The following TMEM38A variants were observed in gnomAD, a reference collection of about 807,000 sequenced individuals.
TMEM38A encodes the protein trimeric intracellular cation channel type A.
TMEM38A carries 17 observed loss-of-function variants against 28.6 expected under a neutral mutation model. The observed-to-expected ratio is 0.60, with a 90% CI of 0.41 to 0.89. TMEM38A has a LOEUF of 0.89. Among genes scored for constraint, TMEM38A ranks in the 40% least tolerant of loss-of-function variants. The probability of loss-of-function intolerance (pLI) is 0.00; values close to 1 mark genes in which losing one functional copy is unlikely to be tolerated. For missense variants in TMEM38A, 328 were observed against 393.1 expected, an observed-to-expected ratio of 0.83 and a Z score of 1.40; for synonymous variants, 169 against 166.1, an observed-to-expected ratio of 1.02 and a Z score of -0.14.
At chr19:16,669,964 T>C (rs748498731) in intron 1 of TMEM38A, among the ~76,000 whole-genome samples, 3 of 151,756 alleles carry the variant, frequency 2.0e-5, no homozygotes, top group Non-Finnish European at 4.4e-5. Context: ...TTATTTATTT[T>C]TATTTTATTA....
At chr19:16,682,084 G>A (rs916282860) in intron 3 of TMEM38A, among the ~76,000 whole-genome samples, 11 of 152,088 alleles carry the variant, frequency 7.2e-5, no homozygotes, top group African/African-American at 1.7e-4. Flanking sequence ...GAGAGACTGC[G>A]GGTGGGGGCT....
intron 1 of TMEM38A, among the ~76,000 whole-genome samples, chr19:16,664,123 A>G (rs1442729473): frequency 2.0e-5 from 3 of 152,118 alleles, no homozygotes; most frequent in African/African-American, 7.2e-5. Context: ...CTTAGAAAAG[A>G]AAGGTGTTGG....
Position 16,686,201 on chromosome 19 carries a change from G to C in TMEM38A, c.555-87G>C, listed in dbSNP as rs894187647. 2.3e-5 allele frequency: 20 copies of C among 886,860 alleles called. No homozygotes were observed. The African/African-American group carries it at 3.0e-4, about 13-fold the overall frequency. 54.9% of individuals were successfully genotyped at this position (886,860 alleles called of 1,614,324 possible). ...AAGAGAGAAGCTGGGATGGGAGCTG[G>C]TGCCAGGGCAGGGGGGTGTCTGGGC... On this transcript the variant is annotated intron_variant, in intron 4 of 5. Coordinates refer to ENST00000187762, the MANE Select transcript of TMEM38A (RefSeq NM_024074.4).
Position 16,682,454 on chromosome 19 carries a change from A to G in TMEM38A, c.500A>G (p.Gln167Arg). 1 of 1,613,966 alleles carries G rather than the reference A, an allele frequency of 6.2e-7. No individual in the cohort carries two copies. The highest frequency in any genetic ancestry group is 1.1e-5 in the South Asian group (1 of 91,074). Reference protein sequence around the residue: ...SGVALMSNFEQLLRGVWKPET... With the variant: ...SGVALMSNFERLLRGVWKPET... The stretch of plus-strand genomic sequence containing the variant: ...GTCGCCCTCATGTCCAACTTTGAGC[A>G]GCTGCTCCGAGGGGTCTGGAAGCCA... Residue 167 changes from glutamine to arginine, a missense_variant, in exon 4 of 6, where the codon CAG becomes CGG. Gln to Arg is a conservative substitution (Grantham distance 43). Coordinates refer to ENST00000187762, the MANE Select transcript of TMEM38A (RefSeq NM_024074.4).
At chr19:16,669,651 T>C (rs1433123499) in intron 1 of TMEM38A, among the ~76,000 whole-genome samples, 1 of 152,164 alleles carries the variant, frequency 6.6e-6, no homozygotes, top group Non-Finnish European at 1.5e-5. Flanking sequence ...GAGGCTGCTA[T>C]CTCCATTTAA....
intron 1 of TMEM38A, among the ~76,000 whole-genome samples, chr19:16,676,851 C>T (rs942763412): frequency 3.3e-5 from 5 of 149,414 alleles, no homozygotes; most frequent in African/African-American, 1.2e-4. Context: ...ACCTCTGCCT[C>T]CTAGGTTCCA....
chr19:16,673,159 G>C (rs561164401), intron 1 of TMEM38A, among the ~76,000 whole-genome samples: 2 of 152,234 alleles, frequency 1.3e-5, no homozygotes, highest in South Asian at 4.1e-4. Context: ...TTGGCTCACT[G>C]CAACCTCCAC....
rs11879165 is a variant in TMEM38A, at chr19:16,684,805, G to A, written c.555-1483G>A. Among the ~76,000 whole-genome samples, 1,428 of 149,880 alleles carry A rather than the reference G, an allele frequency of 9.5e-3. 16 individuals are homozygous for A. The highest frequency in any genetic ancestry group is 0.031 in the Middle Eastern group (9 of 288). On this transcript the variant is annotated intron_variant, in intron 4 of 5. Transcript: ENST00000187762. Reference sequence around the variant, plus strand: ...TGTAATCCCAGCACTGTGGGAGGCCGAGATAGGAGGATTGCTCAAGGCCAG... The same window carrying A: ...TGTAATCCCAGCACTGTGGGAGGCCAAGATAGGAGGATTGCTCAAGGCCAG...
intron 1 of TMEM38A, among the ~76,000 whole-genome samples, chr19:16,667,994 A>G (rs1422024485): frequency 6.6e-6 from 1 of 152,124 alleles, no homozygotes; most frequent in Non-Finnish European, 1.5e-5. Flanking sequence ...GGATCACCTG[A>G]AGTCAGAAGT....
At chr19:16,678,680 G>A (rs902090026) in intron 1 of TMEM38A, among the ~76,000 whole-genome samples, 4 of 141,402 alleles carry the variant, frequency 2.8e-5, no homozygotes, top group African/African-American at 1.0e-4. Context: ...TGGGAGGAGT[G>A]TTTGAGCCCA....
At chr19:16,685,680 C>A (rs1005299987) in intron 4 of TMEM38A, among the ~76,000 whole-genome samples, 23 of 152,192 alleles carry the variant, frequency 1.5e-4, no homozygotes, top group African/African-American at 5.5e-4. Context: ...AGACCCCCAC[C>A]ATAAATTACG....
chr19:16,680,638 G>T, intron 3 of TMEM38A, 57 bp downstream of exon 3: 1 of 1,566,516 alleles, frequency 6.4e-7, no homozygotes, highest in African/African-American at 1.3e-5. Context: ...TGGTTCAGTG[G>T]TACTACCAGG....
intron 4 of TMEM38A, among the ~76,000 whole-genome samples, chr19:16,684,223 C>T (rs2122598487): frequency 6.6e-6 from 1 of 152,020 alleles, no homozygotes; most frequent in Non-Finnish European, 1.5e-5. Context: ...CCTGTAATCC[C>T]AGCTATTCAG....
chr19:16,661,296 C>G lies in TMEM38A; in HGVS notation c.79C>G (p.Leu27Val). 9 of 1,599,892 alleles carry G rather than the reference C, an allele frequency of 5.6e-6. No individual in the cohort carries two copies. Among genetic ancestry groups the G allele is most frequent in the Non-Finnish European group, 7.7e-6 (9 of 1,173,758 alleles). Residue 27 changes from leucine to valine, a missense_variant, in exon 1 of 6, where the codon CTC becomes GTC. Physicochemically the swap from Leu to Val is conservative, Grantham distance 32 (BLOSUM62 1). Coordinates refer to ENST00000187762, the MANE Select transcript of TMEM38A (RefSeq NM_024074.4). This position sits in a 1 kb window ranked among gnomAD's most constrained non-coding sequence, Gnocchi z 6.5. ...SRVPLFPVFD[L>V]SYFIVSILYL... ...GGTGCCGCTCTTCCCCGTCTTCGAC[C>G]TCAGTTACTTCATCGTCTCCATCCT...
At chr19:16,667,483 G>A (rs1397025748) in intron 1 of TMEM38A, among the ~76,000 whole-genome samples, 1 of 152,132 alleles carries the variant, frequency 6.6e-6, no homozygotes, top group African/African-American at 2.4e-5. Context: ...GTTGCCTTGA[G>A]CCTTGACCCA....
At chr19:16,678,530 C>T (rs1452105932) in intron 1 of TMEM38A, among the ~76,000 whole-genome samples, 7 of 151,330 alleles carry the variant, frequency 4.6e-5, no homozygotes, top group Non-Finnish European at 7.4e-5. Context: ...GAAGCTGAGC[C>T]AGGTGGATGG....
chr19:16,670,059 T>TCC (rs1229798962), intron 1 of TMEM38A, among the ~76,000 whole-genome samples: 3 of 151,782 alleles, frequency 2.0e-5, no homozygotes, highest in East Asian at 1.9e-4. Context: ...AACCTCCGCC[T>TCC]CATGGGTTCA....
At chr19:16,673,913 T>A (rs1350934935) in intron 1 of TMEM38A, among the ~76,000 whole-genome samples, 9 of 147,316 alleles carry the variant, frequency 6.1e-5, no homozygotes, top group Admixed American at 4.8e-4. Flanking sequence ...CACAGTGAGA[T>A]CCTATCTTTA....
intron 1 of TMEM38A, among the ~76,000 whole-genome samples, chr19:16,665,359 T>C (rs2086698491): frequency 6.6e-6 from 1 of 151,788 alleles, no homozygotes; most frequent in Non-Finnish European, 1.5e-5. Flanking sequence ...TGTGGTGGCA[T>C]GTGCCTGTAG....
Sources: gnomAD v4.1 joint callset for allele counts (sites outside exome capture counted in the v4.1 genomes callset) on GRCh38, gnomAD v4.1.1 for gene constraint, Gnocchi (gnomAD v3.1) non-coding constraint, MANE v1.5 for transcripts, NCBI Gene and HGNC (gene_info 2026-07-23, HGNC 2026-07-21) for gene names.